ARHGEF10L: variants seen among roughly 807,000 people sequenced by gnomAD.
ARHGEF10L encodes the protein rho guanine nucleotide exchange factor 10-like protein.
In ARHGEF10L, 69 loss-of-function variants were observed where a neutral mutation model predicts 141.2. The ratio of observed to expected loss-of-function variants is 0.49; its 90% CI spans 0.40 to 0.60. ARHGEF10L has a LOEUF of 0.60. ARHGEF10L is among the 20% of genes least tolerant of loss of function. ARHGEF10L has a pLI of 0.00. For synonymous variants in ARHGEF10L, 711 were observed against 718.5 expected (o/e 0.99, Z 0.17); for missense variants, 1,482 against 1,734.3 (o/e 0.85, Z 2.58).
In ARHGEF10L at chr1:17,632,401, T is replaced by A. The variant is rs2060747558; in HGVS notation, c.1665T>A (p.Ile555=). The change falls in exon 16 of 29, where the codon ATT becomes ATA. Residue 555 remains isoleucine (I), a synonymous_variant. Transcript: ENST00000361221. The stretch of plus-strand genomic sequence containing the variant: ...TGTACGGTGACCGCGGGCAGCTAAT[T>A]AAGTCCAAGGAGCGTCGGGTCTTCC... ...ETVYGDRGQL[I]KSKERRVFLL... 6.2e-7 allele frequency: 1 copy of A among 1,614,044 alleles called. No homozygotes were observed.
chr1:17,645,828 A>G (rs571713475), intron 21 of ARHGEF10L, among the ~76,000 whole-genome samples: 1 of 152,332 alleles, frequency 6.6e-6, no homozygotes, highest in South Asian at 2.1e-4. Context: ...GAGTGCGGAT[A>G]GAAGGACGTA....
upstream of ARHGEF10L, among the ~76,000 whole-genome samples, chr1:17,538,190 A>AT (rs1264514922): frequency 6.6e-6 from 1 of 152,218 alleles, no homozygotes; most frequent in Non-Finnish European, 1.5e-5. Flanking sequence ...TCAAAAGTCC[A>AT]TTTCTGGTCC....
chr1:17,593,109 A>G (rs2079721529), intron 4 of ARHGEF10L, among the ~76,000 whole-genome samples: 1 of 152,150 alleles, frequency 6.6e-6, no homozygotes, highest in Non-Finnish European at 1.5e-5. Flanking sequence ...CTTGCAGGGT[A>G]CCTGGTTGGC....
chr1:17,628,164 C>T (rs1021781597), intron 15 of ARHGEF10L, among the ~76,000 whole-genome samples: 1 of 152,082 alleles, frequency 6.6e-6, no homozygotes, highest in Non-Finnish European at 1.5e-5. Flanking sequence ...ATGGTGAAAC[C>T]TTGTCTCTAC....
chr1:17,630,610 A>G (rs2060627844), intron 15 of ARHGEF10L, among the ~76,000 whole-genome samples: 2 of 152,222 alleles, frequency 1.3e-5, no homozygotes, highest in Admixed American at 6.5e-5. Context: ...GGAATGGTGA[A>G]CGTGGCCTGG....
intron 25 of ARHGEF10L, among the ~76,000 whole-genome samples, chr1:17,657,748 T>C (rs988810779): frequency 3.3e-5 from 5 of 152,316 alleles, no homozygotes; most frequent in Admixed American, 3.3e-4. Flanking sequence ...TGCATGTGAA[T>C]GTAAATATGG....
At chr1:17,518,196 G>A in the ARHGEF10L span, among the ~76,000 whole-genome samples, 4 of 152,208 alleles carry the variant, frequency 2.6e-5, no homozygotes, top group African/African-American at 9.6e-5. Context: ...TGGCCCATGG[G>A]CCATAGTTTG....
rs1172053043 is a variant in ARHGEF10L, at chr1:17,596,623, C to T, written c.258-5504C>T. Among the ~76,000 whole-genome samples the T allele has an allele frequency of 7.2e-5, 11 of 152,236 alleles. No individual in the cohort carries two copies. The East Asian group carries it at 1.7e-3, about 24-fold the overall frequency. On this transcript the variant is annotated intron_variant, in intron 4 of 28. Coordinates refer to ENST00000361221, the MANE Select transcript of ARHGEF10L (RefSeq NM_018125.4). ...GTTCTGGTTTTGGGGGTCTCCTCCC[C>T]GACCACCCACATGGTGCAGCCTCTG...
chr1:17,691,266 G>A lies in ARHGEF10L; in HGVS notation c.3184+3519G>A, dbSNP rs186252720. 193 of 369,920 alleles carry A rather than the reference G, an allele frequency of 5.2e-4. 1 individual carries two copies. The highest frequency in any genetic ancestry group is 4.0e-3 in the African/African-American group (181 of 45,240). The allele number at this position is 369,920 out of a possible 1,614,324, so 22.9% of individuals were successfully genotyped here. On this transcript the variant is annotated intron_variant, in intron 27 of 28. Coordinates refer to ENST00000361221, the MANE Select transcript of ARHGEF10L (RefSeq NM_018125.4). ...ACCATTAGAATTTTTTTTTTCTTTC[G>A]GACTGTTTGTGAAGTGTCTTGCTCT...
chr1:17,648,438 G>A (rs573145324), intron 21 of ARHGEF10L, 116 bp from the exon 22 acceptor site: 455 of 1,347,240 alleles, frequency 3.4e-4, no homozygotes, highest in Non-Finnish European at 4.2e-4. Context: ...GGAGTGACTG[G>A]ATGGGGCCAG....
rs200881446 is a variant in ARHGEF10L at position 17,619,398 on chromosome 1, C to G, written c.895C>G (p.Pro299Ala). 17 of 1,612,524 alleles carry G rather than the reference C, an allele frequency of 1.1e-5. No individual in the cohort carries two copies. In the East Asian group the frequency reaches 3.6e-4, roughly 34 times the overall value. ...GGTCAGCGTTTCGGACATCAAGCCC[C>G]CAGCCCCAGAGCTGGGCCCCATGCC... ...LEVSVSDIKP[P>A]APELGPMPEG... Residue 299 changes from proline (P) to alanine (A), a missense_variant, in exon 10 of 29, where the codon CCA becomes GCA. Transcript: ENST00000361221. This position sits in a 1 kb window ranked among gnomAD's most constrained non-coding sequence, Gnocchi z 5.0.
At chr1:17,547,295 G>A (rs1557691286) in intron 1 of ARHGEF10L, among the ~76,000 whole-genome samples, 1 of 152,224 alleles carries the variant, frequency 6.6e-6, no homozygotes, top group Admixed American at 6.5e-5. Flanking sequence ...TACATCCCCA[G>A]TCCAGGGCAG....
chr1:17,580,511 C>T, intron 1 of ARHGEF10L, 42 bp from the exon 2 acceptor site: 1 of 1,570,670 alleles, frequency 6.4e-7, no homozygotes, highest in Non-Finnish European at 8.7e-7. Flanking sequence ...GAAACTGCAG[C>T]CCTGACTCCA....
chr1:17,670,297 C>T (rs933027343), intron 26 of ARHGEF10L, among the ~76,000 whole-genome samples: 3 of 152,212 alleles, frequency 2.0e-5, no homozygotes, highest in African/African-American at 4.8e-5. Flanking sequence ...CTGGGTTTTA[C>T]GCTTGCCCAC....
intron 19 of ARHGEF10L, 120 bp downstream of exon 19, chr1:17,638,123 T>C (rs1571157853): frequency 1.1e-6 from 1 of 885,006 alleles, no homozygotes; most frequent in East Asian, 2.7e-5. Flanking sequence ...TGCTCCTAGC[T>C]TCTGAGCTCC....
the ARHGEF10L span, among the ~76,000 whole-genome samples, chr1:17,516,315 C>T: frequency 6.6e-6 from 1 of 152,264 alleles, no homozygotes; most frequent in African/African-American, 2.4e-5. Flanking sequence ...ATATTCAGCC[C>T]CTCCTTTGCC....
chr1:17,685,239 C>T (rs1447307898), intron 26 of ARHGEF10L, among the ~76,000 whole-genome samples: 1 of 152,214 alleles, frequency 6.6e-6, no homozygotes, highest in Non-Finnish European at 1.5e-5. Context: ...AAAACTGACT[C>T]TGTCACTTAC....
intron 14 of ARHGEF10L, 100 bp downstream of exon 14, chr1:17,626,148 T>C (rs1571040698): frequency 9.7e-7 from 1 of 1,031,572 alleles, no homozygotes; most frequent in Non-Finnish European, 1.5e-6. Context: ...CTCTTGTCCG[T>C]GATCCATAAC....
chr1:17,590,286 G>A lies in ARHGEF10L; in HGVS notation c.257+1807G>A, dbSNP rs1383414867. Among the ~76,000 whole-genome samples the A allele has an allele frequency of 2.6e-5, 4 of 152,166 alleles. No individual in the cohort carries two copies. In the East Asian group the frequency reaches 7.7e-4, roughly 29 times the overall value. On this transcript the variant is annotated intron_variant, in intron 4 of 28. Coordinates refer to ENST00000361221, the MANE Select transcript of ARHGEF10L (RefSeq NM_018125.4). ...GTACATTTTTTGAGGAAAGATTTTTGCCCACTCAGAGATGATCTCTGAGCT... is the reference window on the plus strand; with the variant it reads ...GTACATTTTTTGAGGAAAGATTTTTACCCACTCAGAGATGATCTCTGAGCT...
Sources: allele counts gnomAD v4.1 joint callset (sites outside exome capture counted in the v4.1 genomes callset), GRCh38; gene constraint gnomAD v4.1.1; non-coding constraint Gnocchi (gnomAD v3.1); transcripts MANE v1.5; gene names NCBI Gene and HGNC (gene_info 2026-07-23, HGNC 2026-07-21).